TBC1D32: variants seen among roughly 807,000 people sequenced by gnomAD.
The protein encoded by TBC1D32 is TBC1 domain family member 32.
A neutral mutation model predicts 170.3 loss-of-function variants in TBC1D32; 151 were observed. The observed-to-expected ratio is 0.89, with a 90% confidence interval of 0.78 to 1.01. The LOEUF is 1.01. Ranked by LOEUF, TBC1D32 falls within the 50% of genes least tolerant of loss-of-function variation. The probability of loss-of-function intolerance (pLI) is 0.00; values close to 1 mark genes in which losing one functional copy is unlikely to be tolerated. For synonymous variants in TBC1D32, 498 were observed against 488.0 expected, an observed-to-expected ratio of 1.02 and a Z score of -0.27; for missense variants, 1,464 against 1,457.1, an observed-to-expected ratio of 1.00 and a Z score of -0.08.
At position 121,292,094 on chromosome 6, in the gene TBC1D32, T is replaced by G. The variant is rs1412811554; in HGVS notation, c.1331A>C (p.Gln444Pro). The G allele has an allele frequency of 1.3e-6, 2 of 1,598,928 alleles. No homozygotes were observed. Among genetic ancestry groups the G allele is most frequent in the Non-Finnish European group, 1.7e-6 (2 of 1,172,338 alleles). ...CTTAATAGGAAATAGTTTTCTGCCTTGTTTATAGATCAATAATCTTCCTAA... is the reference window on the plus strand; with the variant it reads ...CTTAATAGGAAATAGTTTTCTGCCTGGTTTATAGATCAATAATCTTCCTAA... ...CLLGRLLIYKQGRKLFPIKLK... is the reference protein window; with the variant it reads ...CLLGRLLIYKPGRKLFPIKLK... Residue 444 changes from glutamine to proline, a missense_variant, in exon 12 of 32, where the codon CAA becomes CCA. Physicochemically the swap from Gln to Pro is moderately conservative, Grantham distance 76. Around this residue, in one of 3 missense-constraint regions of TBC1D32, gnomAD observed 1,363 missense variants for 1,338.1 expected, o/e 1.02. Transcript: ENST00000398212.
chr6:121,284,034 A>C, intron 12 of TBC1D32, 124 bp from the exon 13 acceptor site: 1 of 674,896 alleles, frequency 1.5e-6, no homozygotes, highest in South Asian at 1.9e-5. Context: ...GCAATCAGGA[A>C]GAAGGGAGCT....
intron 22 of TBC1D32, chr6:121,170,614 G>A: frequency 1.1e-6 from 1 of 929,018 alleles, no homozygotes; most frequent in Non-Finnish European, 1.5e-6. Flanking sequence ...AGTAATACCT[G>A]TACATCAAAA....
intron 22 of TBC1D32, among the ~76,000 whole-genome samples, chr6:121,200,028 G>A (rs1791330870): frequency 6.6e-6 from 1 of 151,124 alleles, no homozygotes; most frequent in Non-Finnish European, 1.5e-5. Context: ...TACTGTTGGT[G>A]GGTAAATATA....
At chr6:121,325,449 G>A (rs1013670877) in intron 1 of TBC1D32, among the ~76,000 whole-genome samples, 5 of 152,120 alleles carry the variant, frequency 3.3e-5, no homozygotes, top group African/African-American at 9.7e-5. Context: ...GAACAGAACA[G>A]AGGCCTCAGA....
chr6:121,238,906 A>G (rs1796628631), intron 20 of TBC1D32, among the ~76,000 whole-genome samples, 164 bp downstream of exon 20: 1 of 152,172 alleles, frequency 6.6e-6, no homozygotes, highest in Non-Finnish European at 1.5e-5. Flanking sequence ...TCATTTGCTA[A>G]ACTTATTTTG....
chr6:121,081,383 A>C (rs1775629623), intron 31 of TBC1D32, among the ~76,000 whole-genome samples: 1 of 152,174 alleles, frequency 6.6e-6, no homozygotes, highest in Admixed American at 6.5e-5. Flanking sequence ...TCCAAACGAG[A>C]CACTCAAGAA....
rs1214141054 is a variant in TBC1D32, at chr6:121,136,539, T to TC, written c.2774-4788dup. Among the ~76,000 whole-genome samples, 7 of 151,312 alleles carry TC rather than the reference T, an allele frequency of 4.6e-5. No individual in the cohort carries two copies. In the East Asian group the frequency reaches 7.8e-4, roughly 17 times the overall value. Reference sequence around the variant, plus strand: ...AAAAATCCCACAATGCACAGGAAAATCCCCCCCTGGCAAAGAAAAGCAAAT... The same window carrying TC: ...AAAAATCCCACAATGCACAGGAAAATCCCCCCCCTGGCAAAGAAAAGCAAAT... On this transcript the variant is annotated intron_variant, in intron 24 of 31. Transcript: ENST00000398212.
chr6:121,082,417 T>C (rs897664431), intron 31 of TBC1D32, among the ~76,000 whole-genome samples: 16 of 152,034 alleles, frequency 1.1e-4, no homozygotes, highest in Admixed American at 2.0e-4. Context: ...TATGAATTTA[T>C]CCATTCATTT....
intron 15 of TBC1D32, among the ~76,000 whole-genome samples, chr6:121,257,721 TG>T (rs1799224838): frequency 6.6e-6 from 1 of 152,170 alleles, no homozygotes; most frequent in Non-Finnish European, 1.5e-5. Flanking sequence ...TTCAAACCCA[TG>T]TTTTTTTTTA....
At chr6:121,203,994 GA>G (rs879665377) in intron 22 of TBC1D32, among the ~76,000 whole-genome samples, 4,395 of 140,662 alleles carry the variant, frequency 0.031, 333 homozygotes, top group African/African-American at 0.099. Context: ...AAATATACAG[GA>G]AAAAAAAAAA....
chr6:121,201,714 A>G (rs1791587899), intron 22 of TBC1D32, among the ~76,000 whole-genome samples: 3 of 151,214 alleles, frequency 2.0e-5, no homozygotes. Flanking sequence ...TATTTTTATA[A>G]AAGAATTTAT....
rs183339224 is a variant in TBC1D32, at chr6:121,247,444, T to C, written c.2019-5105A>G. Among the ~76,000 whole-genome samples, 172 of 150,540 alleles carry C rather than the reference T, an allele frequency of 1.1e-3. 2 individuals carry two copies. Among genetic ancestry groups the C allele is most frequent in the Non-Finnish European group, 1.4e-3 (93 of 67,512 alleles). On this transcript the variant is annotated intron_variant, in intron 17 of 31. Coordinates refer to ENST00000398212, the MANE Select transcript of TBC1D32 (RefSeq NM_152730.6). Reference sequence around the variant, plus strand: ...AAAAGTATCAAGGCAAAAACTAACATGATGAATAAAAAAGTACCTCACATC... The same window carrying C: ...AAAAGTATCAAGGCAAAAACTAACACGATGAATAAAAAAGTACCTCACATC...
At chr6:121,278,002 AT>A (rs972458806) in intron 15 of TBC1D32, among the ~76,000 whole-genome samples, 1 of 152,140 alleles carries the variant, frequency 6.6e-6, no homozygotes, top group Non-Finnish European at 1.5e-5. Flanking sequence ...CACAGATTTG[AT>A]AATTTAGATA....
chr6:121,308,719 C>T (rs1272639322), intron 4 of TBC1D32, among the ~76,000 whole-genome samples: 1 of 103,826 alleles, frequency 9.6e-6, no homozygotes, highest in East Asian at 4.1e-4. Flanking sequence ...GACGGAGTCT[C>T]GCTCTGTCGC....
chr6:121,098,901 T>C (rs771044613), intron 30 of TBC1D32, among the ~76,000 whole-genome samples: 1 of 151,840 alleles, frequency 6.6e-6, no homozygotes, highest in Non-Finnish European at 1.5e-5. Context: ...ATCCAAAACA[T>C]GAAGAGAGTG....
chr6:121,202,221 G>A (rs9372645), intron 22 of TBC1D32, among the ~76,000 whole-genome samples: 97,254 of 146,840 alleles, frequency 0.66, 37,485 homozygotes, highest in Non-Finnish European at 0.85. Context: ...AGGATCCTTG[G>A]TCCTGGGTCC....
chr6:121,239,189 C>A lies in TBC1D32; in HGVS notation c.2246-1G>T. 1.3e-6 allele frequency: 2 copies of A among 1,518,740 alleles called. No individual in the cohort carries two copies. The highest frequency in any genetic ancestry group is 1.2e-5 in the South Asian group (1 of 84,478). 94.1% of individuals were successfully genotyped at this position (1,518,740 alleles called of 1,614,324 possible). On this transcript the variant is annotated splice_acceptor_variant, in intron 19 of 31. Transcript: ENST00000398212. LOFTEE classifies it high-confidence loss of function. Reference sequence around the variant, plus strand: ...TCAGTTATAAGTTCATTAATAAACCCTAAAAAGAATTATTACTTCAAGTCA... The same window carrying A: ...TCAGTTATAAGTTCATTAATAAACCATAAAAAGAATTATTACTTCAAGTCA...
At position 121,131,708 on chromosome 6, in the gene TBC1D32, T is replaced by G; in HGVS notation, c.2818A>C (p.Lys940Gln). Residue 940 changes from lysine (K) to glutamine (Q), a missense_variant, in exon 25 of 32, where the codon AAA becomes CAA. This residue lies in a region of TBC1D32 where 1,363 missense variants were observed against 1,338.1 expected (regional missense o/e 1.02). Transcript: ENST00000398212. Reference sequence around the variant, plus strand: ...CAGTTTTCTATCCATTCAGTTTGTTTATCAGATATTTTGAGGCATAATAAA... The same window carrying G: ...CAGTTTTCTATCCATTCAGTTTGTTGATCAGATATTTTGAGGCATAATAAA... ...KLLLCLKISD[K>Q]QTEWIENCQR... 6.2e-7 allele frequency: 1 copy of G among 1,609,212 alleles called. No homozygotes were observed. Among genetic ancestry groups the G allele is most frequent in the Non-Finnish European group, 8.5e-7 (1 of 1,176,976 alleles).
At chr6:121,161,151 A>G in intron 22 of TBC1D32, 95 bp from the exon 23 acceptor site, 1 of 820,334 alleles carries the variant, frequency 1.2e-6, no homozygotes, top group Non-Finnish European at 1.9e-6. Flanking sequence ...AAAAGGCAAA[A>G]ATATTTATCA....
Sources: gnomAD v4.1 joint callset for allele counts (sites outside exome capture counted in the v4.1 genomes callset) on GRCh38, gnomAD v4.1.1 for gene constraint, gnomAD v4.1.1 regional missense constraint, MANE v1.5 for transcripts, NCBI Gene and HGNC (gene_info 2026-07-23, HGNC 2026-07-21) for gene names.